SLC45A4: variants seen among roughly 807,000 people sequenced by gnomAD.
SLC45A4 encodes polyamine-transporter SLC45A4.
A neutral mutation model predicts 63.7 loss-of-function variants in SLC45A4; 32 were observed. The ratio of observed to expected loss-of-function variants is 0.50; its 90% CI spans 0.38 to 0.67. The LOEUF (loss-of-function observed/expected upper bound fraction) is 0.67, where lower values mean the gene tolerates loss of function less well. SLC45A4 is among the 30% of genes least tolerant of loss of function. The pLI is 0.00. For synonymous variants in SLC45A4, 535 were observed against 510.0 expected (o/e 1.05, Z -0.66); for missense variants, 1,027 against 1,157.7 (o/e 0.89, Z 1.64).
At chr8:141,305,122 G>C (rs1830860508) in intron 1 of SLC45A4, among the ~76,000 whole-genome samples, 1 of 152,152 alleles carries the variant, frequency 6.6e-6, no homozygotes, top group South Asian at 2.1e-4. Flanking sequence ...CTTAGCATTT[G>C]ATACTCGGGG....
intron 1 of SLC45A4, among the ~76,000 whole-genome samples, chr8:141,288,755 C>T (rs377164254): frequency 2.0e-5 from 3 of 152,206 alleles, no homozygotes; most frequent in East Asian, 1.9e-4. Context: ...GGGGCACTCA[C>T]GGAGGGTGCC....
chr8:141,250,218 T>C (rs1186902339), intron 2 of SLC45A4, among the ~76,000 whole-genome samples: 1 of 152,230 alleles, frequency 6.6e-6, no homozygotes, highest in African/African-American at 2.4e-5. Context: ...CCTATGATTG[T>C]TCAACTTCAC....
intron 2 of SLC45A4, among the ~76,000 whole-genome samples, chr8:141,236,052 C>T (rs1360892477): frequency 2.6e-5 from 4 of 152,096 alleles, no homozygotes; most frequent in Admixed American, 1.3e-4. Context: ...TGCAGTGAGC[C>T]GAGATCACGC....
chr8:141,222,284 G>A (rs1826692960), intron 2 of SLC45A4, among the ~76,000 whole-genome samples: 2 of 152,240 alleles, frequency 1.3e-5, no homozygotes, highest in South Asian at 4.1e-4. Context: ...GGCTGAAAAT[G>A]TACCATGGAG....
rs1349556054 is a variant in SLC45A4, at chr8:141,208,169, T to C, written c.*3403A>G. The C allele has an allele frequency of 1.3e-5, 2 of 152,236 alleles. No homozygotes were observed. Among genetic ancestry groups the C allele is most frequent in the African/African-American group, 2.4e-5 (1 of 41,454 alleles). 9.4% of individuals were successfully genotyped at this position (152,236 alleles called of 1,614,324 possible). On this transcript the variant is annotated 3_prime_UTR_variant, in exon 9 of 9. Transcript: ENST00000517878. ...TTTTCTGAAGCCGGTTAATGTCTAG[T>C]GTGGACAGCAATATTTGGTGTTTTA...
At chr8:141,296,183 T>G (rs1830543478) in intron 1 of SLC45A4, among the ~76,000 whole-genome samples, 1 of 151,980 alleles carries the variant, frequency 6.6e-6, no homozygotes, top group African/African-American at 2.4e-5. Context: ...ATACAAAAAT[T>G]AGCCAGACAT....
chr8:141,216,072 C>T, intron 6 of SLC45A4, 102 bp from the exon 7 acceptor site: 1 of 1,034,100 alleles, frequency 9.7e-7, no homozygotes, highest in South Asian at 1.5e-5. Context: ...CCCCCGACCT[C>T]CACTCCTTCC....
intron 1 of SLC45A4, among the ~76,000 whole-genome samples, chr8:141,269,458 A>ATG (rs1829422956): frequency 7.7e-6 from 1 of 129,988 alleles, no homozygotes; most frequent in African/African-American, 3.5e-5. Context: ...ATGTCTGCCT[A>ATG]TGTGTCTGTG....
chr8:141,250,401 G>T lies in SLC45A4; in HGVS notation c.241+3588C>A, dbSNP rs1486419004. 9.3e-4 allele frequency among the ~76,000 whole-genome samples: 134 copies of T among 143,746 alleles called. 2 individuals are homozygous for T. Among genetic ancestry groups the T allele is most frequent in the Admixed American group, 2.3e-3 (33 of 14,494 alleles). 94.3% of individuals were successfully genotyped at this position (143,746 alleles called of 152,430 possible). ...GCCCAACTATAGGCTGGTGTGAGTG[G>T]TTTTTTTTTTTTTTGAGACAGTGTC... On this transcript the variant is annotated intron_variant, in intron 2 of 8. Transcript: ENST00000517878.
In SLC45A4 at chr8:141,223,630, G is replaced by A. The variant is rs913981014; in HGVS notation, c.242-1865C>T. Among the ~76,000 whole-genome samples the A allele has an allele frequency of 2.0e-5, 3 of 152,198 alleles. No individual in the cohort carries two copies. The South Asian group carries it at 6.2e-4, about 32-fold the overall frequency. ...TCGGTGCCTCCTGTAGCAGCGCGCT[G>A]GTTCTCACCTCCCTGCCTGGGAACC... On this transcript the variant is annotated intron_variant, in intron 2 of 8. Transcript: ENST00000517878.
intron 1 of SLC45A4, among the ~76,000 whole-genome samples, chr8:141,304,479 A>G (rs1367082986): frequency 6.6e-6 from 1 of 150,444 alleles, no homozygotes; most frequent in Non-Finnish European, 1.5e-5. Flanking sequence ...GAATCGCTTG[A>G]ACCTGGGAGG....
chr8:141,221,720 A>G lies in SLC45A4; in HGVS notation c.287T>C (p.Ile96Thr). 1 of 1,614,040 alleles carries G rather than the reference A, an allele frequency of 6.2e-7. No individual in the cohort carries two copies. The highest frequency in any genetic ancestry group is 1.1e-5 in the South Asian group (1 of 91,080). ...GAGAGGTGTGAAGATGAGGCCAAGG[A>G]TGGGGCTCAGGAACCAGGTGAGGCT... is the stretch of plus-strand genomic sequence containing the variant. ...YYSLTWFLSP[I>T]LGLIFTPLIG... Residue 96 changes from isoleucine to threonine, a missense_variant, in exon 3 of 9, where the codon ATC becomes ACC. By Grantham distance (89) the Ile-to-Thr change is moderately conservative. Transcript: ENST00000517878.
chr8:141,289,235 G>A (rs915567227), intron 1 of SLC45A4, among the ~76,000 whole-genome samples: 4 of 152,182 alleles, frequency 2.6e-5, no homozygotes, highest in Admixed American at 1.3e-4. Flanking sequence ...TCGAGAAGGA[G>A]TGAGAAACAG....
chr8:141,223,164 G>A (rs1192801420), intron 2 of SLC45A4, among the ~76,000 whole-genome samples: 1 of 152,204 alleles, frequency 6.6e-6, no homozygotes, highest in African/African-American at 2.4e-5. Context: ...ACTAAAACAT[G>A]TATGCATTCG....
chr8:141,300,586 C>T (rs536064811), intron 1 of SLC45A4, among the ~76,000 whole-genome samples: 19 of 152,360 alleles, frequency 1.2e-4, no homozygotes, highest in African/African-American at 4.6e-4. Flanking sequence ...CTGAGACCAG[C>T]TGCCTCGCTC....
In SLC45A4 at chr8:141,239,678, T is replaced by A. The variant is rs139007228; in HGVS notation, c.241+14311A>T. Among the ~76,000 whole-genome samples the A allele has an allele frequency of 4.0e-3, 603 of 152,336 alleles. 4 individuals are homozygous for A. Among genetic ancestry groups the A allele is most frequent in the Non-Finnish European group, 6.3e-3 (431 of 68,038 alleles). ...TGTGTTTCTCAATTCTTGCCAAAGA[T>A]GTGTTTTCAGGTGGATTTCAACACT... On this transcript the variant is annotated intron_variant, in intron 2 of 8. Coordinates refer to ENST00000517878, the MANE Select transcript of SLC45A4 (RefSeq NM_001286646.2).
chr8:141,266,767 T>C (rs1829284205), intron 1 of SLC45A4, among the ~76,000 whole-genome samples: 1 of 152,218 alleles, frequency 6.6e-6, no homozygotes, highest in South Asian at 2.1e-4. Flanking sequence ...ATTCAGTGCA[T>C]GCCTGGCTGG....
chr8:141,215,891 G>T lies in SLC45A4; in HGVS notation c.1809C>A (p.Val603=). The T allele has an allele frequency of 1.2e-6, 2 of 1,613,878 alleles. No homozygotes were observed. The highest frequency in any genetic ancestry group is 1.3e-5 in the African/African-American group (1 of 74,954). Residue 603 remains valine (V), a synonymous_variant, in exon 7 of 9, where the codon GTC becomes GTA. Transcript: ENST00000517878. The surrounding 1 kb of genome is among the most constrained non-coding windows in gnomAD (Gnocchi z 4.3). ...GAAACATGGCCATCACGGCTGTGCC[G>T]ACAGAGAAGCCCAGCGTCCCCAGCA... ...IYVLGTLGFS[V]GTAVMAMFPN...
intron 2 of SLC45A4, among the ~76,000 whole-genome samples, chr8:141,246,544 G>A (rs1203765115): frequency 6.6e-6 from 1 of 152,268 alleles, no homozygotes; most frequent in African/African-American, 2.4e-5. Flanking sequence ...GGAGTCACAC[G>A]TTTGCGTCAG....
Sources: allele counts gnomAD v4.1 joint callset (sites outside exome capture counted in the v4.1 genomes callset), GRCh38; gene constraint gnomAD v4.1.1; non-coding constraint Gnocchi (gnomAD v3.1); transcripts MANE v1.5; gene names NCBI Gene and HGNC (gene_info 2026-07-23, HGNC 2026-07-21).